Variants in ST6GALNAC3 observed in about 807,000 individuals in gnomAD.
ST6GALNAC3 encodes alpha-N-acetylgalactosaminide alpha-2,6-sialyltransferase 3.
A neutral mutation model predicts 32.7 loss-of-function variants in ST6GALNAC3; 25 were observed. The ratio of observed to expected loss-of-function variants is 0.76; its 90% CI spans 0.56 to 1.07. The LOEUF is 1.07. ST6GALNAC3 is among the 50% of genes least tolerant of loss of function. The probability of loss-of-function intolerance (pLI) is 0.00; values close to 1 mark genes in which losing one functional copy is unlikely to be tolerated. For missense variants in ST6GALNAC3, 355 were observed against 382.4 expected, an observed-to-expected ratio of 0.93 and a Z score of 0.60; for synonymous variants, 129 against 133.1, an observed-to-expected ratio of 0.97 and a Z score of 0.21.
chr1:76,194,126 G>A (rs554556268), intron 1 of ST6GALNAC3, among the ~76,000 whole-genome samples: 1 of 152,284 alleles, frequency 6.6e-6, no homozygotes, highest in South Asian at 2.1e-4. Flanking sequence ...AGACCAGGGA[G>A]CTTTCTCAAG....
At chr1:76,262,348 G>T (rs1439767785) in intron 1 of ST6GALNAC3, among the ~76,000 whole-genome samples, 2 of 151,944 alleles carry the variant, frequency 1.3e-5, no homozygotes, top group African/African-American at 4.8e-5. Context: ...TCCATGGCAG[G>T]CTGTGGTGAC....
chr1:76,371,415 C>T (rs994676181), intron 2 of ST6GALNAC3, among the ~76,000 whole-genome samples: 7 of 152,042 alleles, frequency 4.6e-5, no homozygotes, highest in Non-Finnish European at 1.0e-4. Flanking sequence ...TATTTGAAAA[C>T]CGAGAGTTGT....
Position 76,376,113 on chromosome 1 carries a change from T to TA in ST6GALNAC3, c.214-35895_214-35894insA, listed in dbSNP as rs1557834665. On this transcript the variant is annotated intron_variant, in intron 2 of 4. Coordinates refer to ENST00000328299, the MANE Select transcript of ST6GALNAC3 (RefSeq NM_152996.4). ...CCTTCTCCCCTAAACCTTTTTTTTT[T>TA]TAAAAAAAGAAAACATTTTATTATG... 3.2e-3 allele frequency among the ~76,000 whole-genome samples: 317 copies of TA among 99,496 alleles called. 1 individual carries two copies. The highest frequency in any genetic ancestry group is 5.9e-3 in the African/African-American group (200 of 33,900). 65.3% of individuals were successfully genotyped at this position (99,496 alleles called of 152,430 possible).
At chr1:76,204,557 A>G (rs538977) in intron 1 of ST6GALNAC3, among the ~76,000 whole-genome samples, 126,064 of 152,012 alleles carry the variant, frequency 0.83, 52,836 homozygotes, top group East Asian at 1. Flanking sequence ...GGAGGTGGGG[A>G]TATGTCCTTG....
chr1:76,563,984 A>G (rs1307582038), intron 3 of ST6GALNAC3, among the ~76,000 whole-genome samples: 1 of 152,212 alleles, frequency 6.6e-6, no homozygotes, highest in Admixed American at 6.5e-5. Context: ...AGGGAAAGGG[A>G]TGCCAAGAAG....
intron 1 of ST6GALNAC3, among the ~76,000 whole-genome samples, chr1:76,303,253 T>G (rs1271695772): frequency 6.6e-6 from 1 of 152,012 alleles, no homozygotes; most frequent in African/African-American, 2.4e-5. Flanking sequence ...CACACTCCCA[T>G]GCAAGCATCT....
At chr1:76,261,877 C>T (rs1325814066) in intron 1 of ST6GALNAC3, among the ~76,000 whole-genome samples, 1 of 152,136 alleles carries the variant, frequency 6.6e-6, no homozygotes, top group Non-Finnish European at 1.5e-5. Context: ...CGTTTCCTTT[C>T]TATATTTTTA....
chr1:76,157,177 A>T (rs1473661474), intron 1 of ST6GALNAC3, among the ~76,000 whole-genome samples: 1 of 152,206 alleles, frequency 6.6e-6, no homozygotes, highest in Non-Finnish European at 1.5e-5. Context: ...ATGCCTATCT[A>T]CTGATCTACA....
chr1:76,349,710 C>G (rs1648815786), intron 2 of ST6GALNAC3, among the ~76,000 whole-genome samples: 2 of 152,216 alleles, frequency 1.3e-5, no homozygotes, highest in Admixed American at 1.3e-4. Flanking sequence ...TGACTCCTCT[C>G]TATAAAAAAG....
chr1:76,193,555 C>G (rs990988250), intron 1 of ST6GALNAC3, among the ~76,000 whole-genome samples: 2 of 152,076 alleles, frequency 1.3e-5, no homozygotes, highest in African/African-American at 4.8e-5. Context: ...ATGGCAAAAG[C>G]CTTGGTAGCT....
rs552301648 is a variant in ST6GALNAC3 at position 76,557,521 on chromosome 1, T to A, written c.624-69931T>A. 1.7e-3 allele frequency among the ~76,000 whole-genome samples: 257 copies of A among 152,230 alleles called. 2 individuals are homozygous for A. The highest frequency in any genetic ancestry group is 2.1e-3 in the East Asian group (11 of 5,182). ...AATAACATTTACTGATTACCTACCA[T>A]GCATCTAAATTCTGCAGTGGTGAAT... On this transcript the variant is annotated intron_variant, in intron 3 of 4. Transcript: ENST00000328299.
chr1:76,598,909 T>C (rs1007917358), intron 3 of ST6GALNAC3, among the ~76,000 whole-genome samples: 2 of 152,200 alleles, frequency 1.3e-5, no homozygotes, highest in African/African-American at 4.8e-5. Flanking sequence ...AATCTAAACA[T>C]GTCTAACTAA....
chr1:76,285,296 C>T (rs547189344), intron 1 of ST6GALNAC3, among the ~76,000 whole-genome samples: 1 of 152,198 alleles, frequency 6.6e-6, no homozygotes, highest in Non-Finnish European at 1.5e-5. Context: ...ACATGAGCCC[C>T]AGAGTCTAGA....
intron 3 of ST6GALNAC3, chr1:76,577,086 C>T: frequency 9.3e-7 from 1 of 1,080,450 alleles, no homozygotes; most frequent in Non-Finnish European, 1.1e-6. Flanking sequence ...ATGATGGTTA[C>T]AGTTTTTAAA....
intron 1 of ST6GALNAC3, among the ~76,000 whole-genome samples, chr1:76,086,482 C>G (rs1273199481): frequency 2.0e-5 from 3 of 152,190 alleles, no homozygotes; most frequent in Non-Finnish European, 4.4e-5. Context: ...GGAAATTACT[C>G]TGTAAGTTTT....
intron 3 of ST6GALNAC3, among the ~76,000 whole-genome samples, chr1:76,536,163 A>C (rs1426197692): frequency 6.6e-6 from 1 of 152,222 alleles, no homozygotes; most frequent in Non-Finnish European, 1.5e-5. Flanking sequence ...GGGTTTGAGA[A>C]ACAGGTAGAT....
chr1:76,321,945 A>G (rs569166484), intron 2 of ST6GALNAC3, among the ~76,000 whole-genome samples: 7 of 152,284 alleles, frequency 4.6e-5, no homozygotes, highest in African/African-American at 9.6e-5. Flanking sequence ...CACATTTTTT[A>G]TTGATGAAAA....
chr1:76,514,375 A>G (rs1194873961), intron 3 of ST6GALNAC3, among the ~76,000 whole-genome samples: 1 of 151,576 alleles, frequency 6.6e-6, no homozygotes, highest in Non-Finnish European at 1.5e-5. Flanking sequence ...TATGGTTTGG[A>G]TATGGTTTGT....
chr1:76,339,851 C>T (rs898271399), intron 2 of ST6GALNAC3, among the ~76,000 whole-genome samples: 28 of 152,050 alleles, frequency 1.8e-4, no homozygotes, highest in Non-Finnish European at 2.5e-4. Context: ...GTAAGGCAAC[C>T]GGAGTCCACA....
Sources: allele counts gnomAD v4.1 joint callset (sites outside exome capture counted in the v4.1 genomes callset), GRCh38; gene constraint gnomAD v4.1.1; transcripts MANE v1.5; gene names NCBI Gene and HGNC (gene_info 2026-07-23, HGNC 2026-07-21).